The following BOP1 variants were observed in gnomAD, a reference collection of about 807,000 sequenced individuals.
BOP1 encodes ribosome biogenesis protein BOP1.
Under a neutral mutation model 82.9 loss-of-function variants are expected in BOP1, and 54 were observed. That is an observed-to-expected ratio of 0.65 (90% confidence interval 0.52 to 0.82). The LOEUF is 0.82. Ranked by LOEUF, BOP1 falls within the 40% of genes least tolerant of loss-of-function variation. The probability of loss-of-function intolerance (pLI) is 0.00; values close to 1 mark genes in which losing one functional copy is unlikely to be tolerated. For synonymous variants in BOP1, 566 were observed against 451.1 expected (o/e 1.25, Z -3.23); for missense variants, 1,170 against 1,072.0 (o/e 1.09, Z -1.28).
In BOP1 at chr8:144,263,252, A is replaced by G; in HGVS notation, c.1574T>C (p.Val525Ala). ...GTGGCAGATGCGCAGCCGCAGGCCC[A>G]CTTGGCGCTCCTCCTCTGAGGCCTC... ...WLEASEEERQ[V>A]GLRLRICHGK... The change falls in exon 12 of 16, where the codon GTG (valine) becomes GCG (alanine). Residue 525 changes from valine (V) to alanine (A), a missense_variant. Val to Ala is a moderately conservative substitution (Grantham distance 64). Transcript: ENST00000569669. 3 of 1,594,948 alleles carry G rather than the reference A, an allele frequency of 1.9e-6. 1 individual carries two copies. In the South Asian group the frequency reaches 3.3e-5, roughly 18 times the overall value.
Position 144,291,153 on chromosome 8 carries a change from C to T in BOP1, c.99+119G>A. 1.2e-6 allele frequency: 1 copy of T among 819,702 alleles called. No individual in the cohort carries two copies. Among genetic ancestry groups the T allele is most frequent in the Non-Finnish European group, 1.6e-6 (1 of 610,808 alleles). The allele number at this position is 819,702 out of a possible 1,614,324, so 50.8% of individuals were successfully genotyped here. On this transcript the variant is annotated intron_variant, in intron 1 of 15. Transcript: ENST00000569669. The surrounding 1 kb of genome is among the most constrained non-coding windows in gnomAD (Gnocchi z 4.1). ...AGAGGAGCTGCACCCACGCCCAAGA[C>T]CGATTCACTGGGCGCGGGCGCCCAG...
At chr8:144,271,316 C>A (rs1177068679) in intron 3 of BOP1, among the ~76,000 whole-genome samples, 2 of 152,104 alleles carry the variant, frequency 1.3e-5, no homozygotes, top group Non-Finnish European at 2.9e-5. Flanking sequence ...CCGCTGCCCG[C>A]CTCCTCCCGT....
chr8:144,274,254 G>A (rs1376231042), intron 3 of BOP1, among the ~76,000 whole-genome samples: 14 of 152,180 alleles, frequency 9.2e-5, no homozygotes, highest in Middle Eastern at 3.2e-3. Flanking sequence ...GAAGGGCCCC[G>A]GCAGTGAGGT....
At chr8:144,272,653 G>A (rs1291511497) in intron 3 of BOP1, among the ~76,000 whole-genome samples, 3 of 151,988 alleles carry the variant, frequency 2.0e-5, no homozygotes, top group Admixed American at 2.0e-4. Flanking sequence ...CACCACCCTT[G>A]CAGCCCACAA....
chr8:144,274,020 GAT>G lies in BOP1; in HGVS notation c.390+2202_390+2203del, dbSNP rs111447708. Among the ~76,000 whole-genome samples the G allele has an allele frequency of 2.4e-3, 367 of 152,300 alleles. 1 individual carries two copies. Among genetic ancestry groups the G allele is most frequent in the African/African-American group, 8.2e-3 (341 of 41,560 alleles). On this transcript the variant is annotated intron_variant, in intron 3 of 15. Coordinates refer to ENST00000569669, the MANE Select transcript of BOP1 (RefSeq NM_015201.5). Reference sequence around the variant, plus strand: ...CAGTGTCATCCAGGTCCAGGCCCTGGATCCAGACCCAGGAAGGGCAGGGAAGT... The same window carrying G: ...CAGTGTCATCCAGGTCCAGGCCCTGGCCAGACCCAGGAAGGGCAGGGAAGT...
chr8:144,268,499 C>A, intron 3 of BOP1: 1 of 382,580 alleles, frequency 2.6e-6, no homozygotes, highest in South Asian at 2.9e-5. Context: ...GCCAACTGTC[C>A]TCATGAAAGG....
Position 144,262,914 on chromosome 8 carries a change from C to A in BOP1, c.1833G>T (p.Glu611Asp). ...AGTTGGGCATCAGCTTCTTGGTGAG[C>A]TCCTGGCGCAGCAGGTGGTAGAGGC... ...SVRLYHLLRQ[E>D]LTKKLMPNCK... The change falls in exon 13 of 16, where the codon GAG becomes GAT. Residue 611 changes from glutamate to aspartate, a missense_variant. Coordinates refer to ENST00000569669, the MANE Select transcript of BOP1 (RefSeq NM_015201.5). The A allele has an allele frequency of 6.5e-7, 1 of 1,550,136 alleles. No homozygotes were observed. The highest frequency in any genetic ancestry group is 8.7e-7 in the Non-Finnish European group (1 of 1,154,764).
chr8:144,289,242 G>A lies in BOP1; in HGVS notation c.162C>T (p.Asp54=), dbSNP rs782576699. Residue 54 remains aspartate (D), a synonymous_variant, in exon 2 of 16, where the codon GAC becomes GAT. Transcript: ENST00000569669. ...HSTGSDSGVS[D]SEESVFSGLE... is the part of the protein sequence containing the mutation. ...GGCCTGAGAACACACTTTCCTCGCT[G>A]TCGGAGACGCCAGAATCGCTGCCGG... is the stretch of plus-strand genomic sequence containing the variant. The A allele has an allele frequency of 1.1e-5, 18 of 1,613,948 alleles. No individual in the cohort carries two copies. Among genetic ancestry groups the A allele is most frequent in the African/African-American group, 1.3e-5 (1 of 74,920 alleles).
rs1372255181 is a variant in BOP1, at chr8:144,267,069, G to A, written c.391-1998C>T. ...ACTCCGGGCCCGCCTTCTTCCACGC[G>A]GCGCGCGCCGGCAGCCCCCCGCCGC... On this transcript the variant is annotated intron_variant, in intron 3 of 15. Transcript: ENST00000569669. 2,872 of 1,408,894 alleles carry A rather than the reference G, an allele frequency of 2.0e-3. 55 individuals carry two copies. In the African/African-American group the frequency reaches 0.036, roughly 18 times the overall value. 87.3% of individuals were successfully genotyped at this position (1,408,894 alleles called of 1,614,324 possible).
At chr8:144,271,284 G>C (rs1282295500) in intron 3 of BOP1, among the ~76,000 whole-genome samples, 2 of 152,082 alleles carry the variant, frequency 1.3e-5, no homozygotes, top group Non-Finnish European at 1.5e-5. Flanking sequence ...CCACAGATTG[G>C]AACTGCAGGT....
chr8:144,278,736 C>A (rs868919331), intron 2 of BOP1, among the ~76,000 whole-genome samples: 1 of 152,164 alleles, frequency 6.6e-6, no homozygotes, highest in Non-Finnish European at 1.5e-5. Flanking sequence ...CACCTCAGCA[C>A]GGCCAAGGCT....
intron 3 of BOP1, chr8:144,268,282 C>A: frequency 7.8e-7 from 1 of 1,287,908 alleles, no homozygotes; most frequent in Non-Finnish European, 1.1e-6. Context: ...TGGCTGCGAG[C>A]GGGGCCGAGG....
At chr8:144,265,370 G>A (rs1845336152) in intron 3 of BOP1, 1 of 543,100 alleles carries the variant, frequency 1.8e-6, no homozygotes, top group Non-Finnish European at 3.3e-6. Context: ...AGGGCTCTGG[G>A]CAGCCACAGA....
intron 3 of BOP1, among the ~76,000 whole-genome samples, chr8:144,268,804 GGGAGGCAGCGGCAGGGAC>G (rs1554837485): frequency 6.6e-6 from 1 of 151,814 alleles, no homozygotes. Flanking sequence ...GGCAGGGACA[GGGAGGCAGCGGCAGGGAC>G]AGAGGCAGCA....
chr8:144,274,355 G>C (rs1845538342), intron 3 of BOP1, among the ~76,000 whole-genome samples: 1 of 152,192 alleles, frequency 6.6e-6, no homozygotes, highest in African/African-American at 2.4e-5. Context: ...CTGCCTGACG[G>C]GCCCTGCTCT....
At chr8:144,266,579 C>G in intron 3 of BOP1, 1 of 1,038,198 alleles carries the variant, frequency 9.6e-7, no homozygotes, top group Non-Finnish European at 1.2e-6. Context: ...ATGAGCAGCG[C>G]GCGACAGAGC....
rs1255394793 is a variant in BOP1, at chr8:144,291,431, C to T, written c.-61G>A. 5.8e-6 allele frequency: 6 copies of T among 1,027,720 alleles called. No individual in the cohort carries two copies. Among genetic ancestry groups the T allele is most frequent in the East Asian group, 6.2e-5 (1 of 16,202 alleles). The allele number at this position is 1,027,720 out of a possible 1,614,324, so 63.7% of individuals were successfully genotyped here. ...CTTCCGACAGCGACCGGGCCGCGTGCGCAGGAGGACGCGCCCCGCCCAGCC... is the reference window on the plus strand; with the variant it reads ...CTTCCGACAGCGACCGGGCCGCGTGTGCAGGAGGACGCGCCCCGCCCAGCC... On this transcript the variant is annotated 5_prime_UTR_variant, in exon 1 of 16. Transcript: ENST00000569669. The surrounding 1 kb of genome is among the most constrained non-coding windows in gnomAD (Gnocchi z 4.1).
In BOP1 at chr8:144,263,307, C is replaced by T. The variant is rs1209373636; in HGVS notation, c.1519G>A (p.Glu507Lys). 3.1e-6 allele frequency: 5 copies of T among 1,594,088 alleles called. No individual in the cohort carries two copies. The highest frequency in any genetic ancestry group is 3.4e-6 in the Non-Finnish European group (4 of 1,178,886). ...CAGCGGGCCGGCTGCAAGGGGGGCTCCTCAGGCGGGACGAAGGCGCTCAAC... is the reference window on the plus strand; with the variant it reads ...CAGCGGGCCGGCTGCAAGGGGGGCTTCTCAGGCGGGACGAAGGCGCTCAAC... ...QLLSAFVPPE[E>K]PPLQPARWLE... The change falls in exon 12 of 16, where the codon GAG (glutamate) becomes AAG (lysine). Residue 507 changes from glutamate to lysine, a missense_variant. Glu to Lys is a moderately conservative substitution (Grantham distance 56, BLOSUM62 1). Transcript: ENST00000569669.
intron 1 of BOP1, among the ~76,000 whole-genome samples, chr8:144,289,760 A>T (rs868919448): frequency 1.2e-4 from 18 of 152,310 alleles, no homozygotes; most frequent in African/African-American, 3.8e-4. Flanking sequence ...AGAGGTCACT[A>T]GAAAAGGGGC....
Sources: gnomAD v4.1 joint callset for allele counts (sites outside exome capture counted in the v4.1 genomes callset) on GRCh38, gnomAD v4.1.1 for gene constraint, Gnocchi (gnomAD v3.1) non-coding constraint, MANE v1.5 for transcripts, NCBI Gene and HGNC (gene_info 2026-07-23, HGNC 2026-07-21) for gene names.